The following SYBU variants were observed in gnomAD, a reference collection of about 807,000 sequenced individuals.
The protein encoded by SYBU is syntabulin.
Under a neutral mutation model 35.9 loss-of-function variants are expected in SYBU, and 21 were observed. The ratio of observed to expected loss-of-function variants is 0.58; its 90% CI spans 0.41 to 0.84. The LOEUF is 0.84. SYBU is among the 40% of genes least tolerant of loss of function. The probability of loss-of-function intolerance (pLI) is 0.00; values close to 1 mark genes in which losing one functional copy is unlikely to be tolerated. For synonymous variants in SYBU, 319 were observed against 324.3 expected (o/e 0.98, Z 0.18); for missense variants, 768 against 848.2 (o/e 0.91, Z 1.17).
rs59981669 is a variant in SYBU at position 109,666,091 on chromosome 8, C to T, written c.-129+14620G>A. On this transcript the variant is annotated intron_variant, in intron 1 of 5. Coordinates refer to the SYBU transcript ENST00000408889. ...AAATATGGCACATTCTGTAAATGGA[C>T]GCTGCGGAAAATTGCTGCTTTCAGA... Among the ~76,000 whole-genome samples, 1,005 of 152,244 alleles carry T rather than the reference C, an allele frequency of 6.6e-3. 13 individuals carry two copies. The highest frequency in any genetic ancestry group is 0.064 in the East Asian group (331 of 5,184).
chr8:109,626,746 C>T (rs1813021072), intron 2 of SYBU, among the ~76,000 whole-genome samples: 1 of 152,208 alleles, frequency 6.6e-6, no homozygotes, highest in Non-Finnish European at 1.5e-5. Flanking sequence ...CTAGTCTCTA[C>T]AAAAACTACA....
At chr8:109,586,534 CA>C (rs1336284738) in intron 3 of SYBU, 1 of 186,462 alleles carries the variant, frequency 5.4e-6, no homozygotes, top group African/African-American at 2.4e-5. Flanking sequence ...AAATACTTAT[CA>C]GTCCAAGAGT....
upstream of SYBU, chr8:109,646,143 T>G (rs1397763431): frequency 6.6e-6 from 1 of 152,258 alleles, no homozygotes; most frequent in Non-Finnish European, 1.5e-5. Flanking sequence ...ATTGCTACCC[T>G]TAAATCTTAT....
intron 2 of SYBU, among the ~76,000 whole-genome samples, chr8:109,631,906 A>G (rs1813665798): frequency 6.6e-6 from 1 of 151,488 alleles, no homozygotes; most frequent in Non-Finnish European, 1.5e-5. Flanking sequence ...TGCAGTTTCT[A>G]GGCCATGCCT....
At chr8:109,655,171 C>T (rs1199882251) in intron 1 of SYBU, among the ~76,000 whole-genome samples, 1 of 152,220 alleles carries the variant, frequency 6.6e-6, no homozygotes, top group Non-Finnish European at 1.5e-5. Flanking sequence ...GTTCCCTCTA[C>T]CTTGAACACA....
At chr8:109,682,969 G>C (rs1213248814), upstream of SYBU, among the ~76,000 whole-genome samples, 3 of 152,252 alleles carry the variant, frequency 2.0e-5, no homozygotes, top group Non-Finnish European at 4.4e-5. Flanking sequence ...TGTTGAGCCT[G>C]TGGGTGCATA....
chr8:109,608,168 T>C, intron 3 of SYBU: 1 of 491,320 alleles, frequency 2.0e-6, no homozygotes, highest in Non-Finnish European at 3.6e-6. Context: ...GCCTTCTCCC[T>C]GGTGACTGCA....
intron 3 of SYBU, among the ~76,000 whole-genome samples, chr8:109,588,951 G>A (rs1252676555): frequency 6.6e-6 from 1 of 152,144 alleles, no homozygotes; most frequent in Non-Finnish European, 1.5e-5. Context: ...CCTGAGGTCA[G>A]GAGTTCGAAA....
chr8:109,639,784 C>T (rs1345546935), intron 2 of SYBU, among the ~76,000 whole-genome samples: 1 of 152,216 alleles, frequency 6.6e-6, no homozygotes, highest in African/African-American at 2.4e-5. Context: ...TTTCCCCCTG[C>T]TGGTTGGACA....
chr8:109,607,808 TCACACACACACACACACACACACACACA>T (rs71305960), intron 3 of SYBU: 1 of 375,450 alleles, frequency 2.7e-6, no homozygotes. Flanking sequence ...CACAACTAAC[TCACACACACACACACACACACACACACA>T]CACACACACA....
chr8:109,681,642 A>T (rs1287330737), upstream of SYBU, among the ~76,000 whole-genome samples: 2 of 152,212 alleles, frequency 1.3e-5, no homozygotes, highest in Admixed American at 1.3e-4. Context: ...TAATTCAATA[A>T]CTGGGAAAAA....
rs10638682 is a variant in SYBU at position 109,677,034 on chromosome 8, A to ATGTGTGTGTG, written c.-129+3667_-129+3676dup. 9.0e-4 allele frequency among the ~76,000 whole-genome samples: 132 copies of ATGTGTGTGTG among 146,160 alleles called. No homozygotes were observed. The Middle Eastern group carries it at 0.017, about 19-fold the overall frequency. ...CTTTTCTCTGTCTTTCAGGGTGTTC[A>ATGTGTGTGTG]TGTGTGTGTGTGTGTGTGTGTGAAG... On this transcript the variant is annotated intron_variant, in intron 1 of 5. Transcript: ENST00000408889.
At chr8:109,660,751 C>A (rs1338273100) in intron 1 of SYBU, among the ~76,000 whole-genome samples, 1 of 152,160 alleles carries the variant, frequency 6.6e-6, no homozygotes, top group Admixed American at 6.5e-5. Context: ...CATTATTTCT[C>A]ACTAAGCAAA....
intron 4 of SYBU, chr8:109,585,830 G>A (rs1823550915): frequency 3.7e-6 from 2 of 539,024 alleles, no homozygotes; most frequent in South Asian, 4.2e-5. Flanking sequence ...AGAGTCAAGG[G>A]TTGGATGGGA....
rs975461140 is a variant in SYBU at position 109,691,429 on chromosome 8, GA to G, written c.-155del. On this transcript the variant is annotated 5_prime_UTR_variant, in exon 1 of 8. Coordinates refer to the SYBU transcript ENST00000422135. The surrounding 1 kb of genome is among the most constrained non-coding windows in gnomAD (Gnocchi z 4.7). ...CCCGGCTGGGCCGGGTGCCGGTGCG[GA>G]CGGGACCCCGCGTCGCTGCTGGTTT... The G allele has an allele frequency of 7.4e-6, 5 of 674,480 alleles. No homozygotes were observed. The highest frequency in any genetic ancestry group is 4.3e-5 in the Admixed American group (2 of 46,148). 41.8% of individuals were successfully genotyped at this position (674,480 alleles called of 1,614,324 possible).
chr8:109,591,026 G>T (rs74785237), intron 3 of SYBU, among the ~76,000 whole-genome samples: 4,601 of 152,272 alleles, frequency 0.03, 108 homozygotes, highest in South Asian at 0.071. Flanking sequence ...AAACTGTACT[G>T]CTAGGAATTT....
chr8:109,617,615 T>C (rs999207624), intron 3 of SYBU, among the ~76,000 whole-genome samples: 1 of 152,226 alleles, frequency 6.6e-6, no homozygotes, highest in Non-Finnish European at 1.5e-5. Context: ...TTCTTAAATA[T>C]CAAGGGTGCT....
At chr8:109,597,945 G>A (rs563880411) in intron 3 of SYBU, among the ~76,000 whole-genome samples, 1 of 152,276 alleles carries the variant, frequency 6.6e-6, no homozygotes, top group Non-Finnish European at 1.5e-5. Flanking sequence ...TTTCCCAGGT[G>A]GTGCTGATGC....
At chr8:109,662,241 C>A (rs1411878101) in intron 1 of SYBU, among the ~76,000 whole-genome samples, 1 of 152,138 alleles carries the variant, frequency 6.6e-6, no homozygotes, top group Non-Finnish European at 1.5e-5. Context: ...AAAATGGGGG[C>A]ACTATTGTTA....
Sources: allele counts gnomAD v4.1 joint callset (sites outside exome capture counted in the v4.1 genomes callset), GRCh38; gene constraint gnomAD v4.1.1; non-coding constraint Gnocchi (gnomAD v3.1); transcripts MANE v1.5; gene names NCBI Gene and HGNC (gene_info 2026-07-23, HGNC 2026-07-21).